KIAA1328: variants seen among roughly 807,000 people sequenced by gnomAD.
KIAA1328 encodes the protein KIAA1328.
Under a neutral mutation model 68.1 loss-of-function variants are expected in KIAA1328, and 52 were observed. The observed-to-expected ratio is 0.76, with a 90% CI of 0.61 to 0.96. The LOEUF (loss-of-function observed/expected upper bound fraction) is 0.96, where lower values mean the gene tolerates loss of function less well. KIAA1328 is among the 40% of genes least tolerant of loss of function. The pLI is 0.00. For missense variants in KIAA1328, 641 were observed against 677.6 expected (o/e 0.95, Z 0.60); for synonymous variants, 232 against 239.4 (o/e 0.97, Z 0.28).
At chr18:37,075,770 C>A (rs1275683063) in intron 7 of KIAA1328, 2 of 152,318 alleles carry the variant, frequency 1.3e-5, no homozygotes, top group African/African-American at 2.4e-5. Context: ...ATCAATTCAA[C>A]AAGAAGAGCT....
chr18:37,104,791 AAG>A (rs1157948496), intron 7 of KIAA1328, among the ~76,000 whole-genome samples: 4 of 152,286 alleles, frequency 2.6e-5, no homozygotes, highest in African/African-American at 9.6e-5. Context: ...TAAAAAATGA[AAG>A]AACATTTCTC....
intron 9 of KIAA1328, among the ~76,000 whole-genome samples, chr18:37,217,782 C>T (rs1402763739): frequency 6.6e-6 from 1 of 152,216 alleles, no homozygotes; most frequent in Non-Finnish European, 1.5e-5. Flanking sequence ...TGGTTCCATT[C>T]TCCCTGTCAC....
intron 6 of KIAA1328, among the ~76,000 whole-genome samples, chr18:36,992,673 T>C (rs2053234957): frequency 6.6e-6 from 1 of 152,190 alleles, no homozygotes; most frequent in African/African-American, 2.4e-5. Context: ...CAGCTCAGAT[T>C]CTTCTGTGAG....
At position 37,032,573 on chromosome 18, in the gene KIAA1328, G is replaced by GT. The variant is rs76922277; in HGVS notation, c.577-34308dup. Among the ~76,000 whole-genome samples, 233 of 147,138 alleles carry GT rather than the reference G, an allele frequency of 1.6e-3. 1 individual carries two copies. The highest frequency in any genetic ancestry group is 3.0e-3 in the Admixed American group (45 of 14,758). ...GAATTTCTTTCTGACTTAGCAATTTGTTTTTTTTTGCTTCTATTCATCACT... is the reference window on the plus strand; with the variant it reads ...GAATTTCTTTCTGACTTAGCAATTTGTTTTTTTTTTGCTTCTATTCATCACT... On this transcript the variant is annotated intron_variant, in intron 6 of 9. Transcript: ENST00000280020.
At chr18:37,053,967 A>AG in intron 6 of KIAA1328, among the ~76,000 whole-genome samples, 1 of 152,188 alleles carries the variant, frequency 6.6e-6, no homozygotes, top group Middle Eastern at 3.4e-3. Context: ...CAACAAGAAA[A>AG]AAAAAAAAAC....
chr18:37,210,198 T>C (rs2060290830), intron 9 of KIAA1328, among the ~76,000 whole-genome samples: 1 of 152,178 alleles, frequency 6.6e-6, no homozygotes, highest in South Asian at 2.1e-4. Context: ...AAACTGGCCT[T>C]TCTTGAATTG....
At chr18:36,959,627 G>A (rs1306042357) in intron 6 of KIAA1328, among the ~76,000 whole-genome samples, 192 bp downstream of exon 6, 1 of 152,108 alleles carries the variant, frequency 6.6e-6, no homozygotes, top group Non-Finnish European at 1.5e-5. Context: ...CCAAAGGTAA[G>A]GAATGATTAC....
Position 36,835,348 on chromosome 18 carries a change from A to G in KIAA1328, c.209A>G (p.Lys70Arg), listed in dbSNP as rs867721445. Reference protein sequence around the residue: ...TDASISMESLKGTGDSVDEQN... With the variant: ...TDASISMESLRGTGDSVDEQN... ...GCTTCAATCTCCATGGAGTCCTTAA[A>G]AGGCACAGGAGATTCAGTAGATGAA... is the stretch of plus-strand genomic sequence containing the variant. Residue 70 changes from lysine (K) to arginine (R), a missense_variant, in exon 3 of 10, where the codon AAA (lysine) becomes AGA (arginine). Lys to Arg is a conservative substitution (Grantham distance 26). Coordinates refer to ENST00000280020, the MANE Select transcript of KIAA1328 (RefSeq NM_020776.3). 1.2e-6 allele frequency: 2 copies of G among 1,612,866 alleles called. No homozygotes were observed. Among genetic ancestry groups the G allele is most frequent in the African/African-American group, 2.7e-5 (2 of 74,846 alleles).
chr18:37,183,876 G>A (rs1347677204), intron 9 of KIAA1328, among the ~76,000 whole-genome samples: 1 of 152,082 alleles, frequency 6.6e-6, no homozygotes, highest in Non-Finnish European at 1.5e-5. Flanking sequence ...TTTCCCCATA[G>A]TACTTAATCA....
intron 7 of KIAA1328, among the ~76,000 whole-genome samples, chr18:37,122,745 C>CTA (rs1361732346): frequency 6.6e-6 from 1 of 151,752 alleles, no homozygotes; most frequent in African/African-American, 2.4e-5. Flanking sequence ...GGTCTGCTTA[C>CTA]TATAGTACGG....
intron 5 of KIAA1328, among the ~76,000 whole-genome samples, chr18:36,913,376 T>TTA (rs1320670777): frequency 2.0e-5 from 3 of 151,486 alleles, no homozygotes; most frequent in Non-Finnish European, 4.4e-5. Context: ...AAAAATTTTT[T>TTA]AAGAACCTTG....
chr18:37,116,171 A>G (rs920299944), intron 7 of KIAA1328, among the ~76,000 whole-genome samples: 3 of 151,590 alleles, frequency 2.0e-5, no homozygotes, highest in Admixed American at 1.3e-4. Context: ...TTTAAAGTTC[A>G]TATGGAACCA....
rs926781469 is a variant in KIAA1328 at position 37,012,271 on chromosome 18, A to G, written c.576+52836A>G. 7.2e-5 allele frequency among the ~76,000 whole-genome samples: 11 copies of G among 152,152 alleles called. No homozygotes were observed. In the South Asian group the frequency reaches 1.0e-3, roughly 14 times the overall value. ...TTCTGAACACCCAGGAAACTAGAGAATAGACTCCCATCCATGAAATCTAGG... is the reference window on the plus strand; with the variant it reads ...TTCTGAACACCCAGGAAACTAGAGAGTAGACTCCCATCCATGAAATCTAGG... On this transcript the variant is annotated intron_variant, in intron 6 of 9. Coordinates refer to ENST00000280020, the MANE Select transcript of KIAA1328 (RefSeq NM_020776.3).
chr18:37,226,280 AT>A (rs796209515), downstream of KIAA1328, among the ~76,000 whole-genome samples: 499 of 146,306 alleles, frequency 3.4e-3, no homozygotes, highest in Admixed American at 4.0e-3. Flanking sequence ...CCCTTTTTAA[AT>A]TTTTTTTTTT....
intron 6 of KIAA1328, among the ~76,000 whole-genome samples, chr18:36,993,453 A>C (rs1482288867): frequency 2.0e-5 from 3 of 152,248 alleles, no homozygotes; most frequent in Non-Finnish European, 4.4e-5. Flanking sequence ...TGATGGTGGG[A>C]AATAAATGGT....
At chr18:36,829,817 G>T (rs1020277216) in intron 1 of KIAA1328, among the ~76,000 whole-genome samples, 7 of 152,182 alleles carry the variant, frequency 4.6e-5, no homozygotes, top group African/African-American at 9.7e-5. Context: ...CTTGTGGAGT[G>T]CGGGTCACTG....
chr18:37,195,583 C>G (rs1000912514), intron 9 of KIAA1328, among the ~76,000 whole-genome samples: 2 of 152,128 alleles, frequency 1.3e-5, no homozygotes, highest in Admixed American at 6.6e-5. Flanking sequence ...ATTCTTGATG[C>G]CCTTGTCTAA....
chr18:37,093,475 C>T (rs2057321961), intron 7 of KIAA1328, among the ~76,000 whole-genome samples: 1 of 152,010 alleles, frequency 6.6e-6, no homozygotes, highest in South Asian at 2.1e-4. Flanking sequence ...AAGTAGAGTT[C>T]CTGGAACTGA....
At chr18:36,961,228 C>A (rs911356206) in intron 6 of KIAA1328, among the ~76,000 whole-genome samples, 1 of 152,016 alleles carries the variant, frequency 6.6e-6, no homozygotes, top group Non-Finnish European at 1.5e-5. Flanking sequence ...GATTGAAGAT[C>A]AACTTAATGA....
Sources: gnomAD v4.1 joint callset for allele counts (sites outside exome capture counted in the v4.1 genomes callset) on GRCh38, gnomAD v4.1.1 for gene constraint, MANE v1.5 for transcripts, NCBI Gene and HGNC (gene_info 2026-07-23, HGNC 2026-07-21) for gene names.